The following ALK variants were observed in gnomAD, a reference collection of about 807,000 sequenced individuals.
The protein encoded by ALK is ALK receptor tyrosine kinase, also known as ALK tyrosine kinase receptor.
A neutral mutation model predicts 163.1 loss-of-function variants in ALK; 74 were observed. That is an observed-to-expected ratio of 0.45 (90% CI 0.38 to 0.55). The LOEUF (loss-of-function observed/expected upper bound fraction) is 0.55. Ranked by LOEUF, ALK falls within the 20% of genes least tolerant of loss-of-function variation. The pLI is 0.00. For missense variants in ALK, 2,063 were observed against 2,105.3 expected, an observed-to-expected ratio of 0.98 and a Z score of 0.39; for synonymous variants, 960 against 843.2, an observed-to-expected ratio of 1.14 and a Z score of -2.40.
At chr2:29,222,478 G>C (rs766157224) in intron 21 of ALK, 39 bp downstream of exon 21, 2 of 1,610,876 alleles carry the variant, frequency 1.2e-6, no homozygotes, top group Middle Eastern at 1.7e-4. Context: ...TACAGAGTCC[G>C]CAAGCCAAGG....
intron 5 of ALK, among the ~76,000 whole-genome samples, chr2:29,348,904 C>T (rs535813735): frequency 1.2e-4 from 18 of 152,336 alleles, no homozygotes; most frequent in African/African-American, 2.6e-4. Flanking sequence ...GTGGCTCTGA[C>T]GACACGCTGT....
At chr2:29,539,612 G>GTATTATAACCTT (rs74277527) in intron 3 of ALK, among the ~76,000 whole-genome samples, 1 of 151,796 alleles carries the variant, frequency 6.6e-6, no homozygotes, top group African/African-American at 2.4e-5. Flanking sequence ...TTGAGCACAG[G>GTATTATAACCTT]GTAGATCATA....
intron 3 of ALK, among the ~76,000 whole-genome samples, chr2:29,562,529 A>C (rs1338751378): frequency 1.3e-5 from 2 of 152,194 alleles, no homozygotes; most frequent in Non-Finnish European, 2.9e-5. Context: ...CCAGTACAGC[A>C]GGACAATTAC....
rs961051438 is a variant in ALK at position 29,705,111 on chromosome 2, G to A, written c.788-10097C>T. On this transcript the variant is annotated intron_variant, in intron 2 of 28. Coordinates refer to ENST00000389048, the MANE Select transcript of ALK (RefSeq NM_004304.5). ...CTGGTGCCTGTAATCCCAGCTGCTCGGGAGGCTGAGGCAGGAGAATCGCTT... is the reference window on the plus strand; with the variant it reads ...CTGGTGCCTGTAATCCCAGCTGCTCAGGAGGCTGAGGCAGGAGAATCGCTT... 2.7e-5 allele frequency among the ~76,000 whole-genome samples: 4 copies of A among 150,470 alleles called. No individual in the cohort carries two copies. The East Asian group carries it at 7.8e-4, about 29-fold the overall frequency.
chr2:29,662,341 G>T (rs1307713528), intron 3 of ALK, among the ~76,000 whole-genome samples: 4 of 152,140 alleles, frequency 2.6e-5, no homozygotes, highest in South Asian at 2.1e-4. Context: ...TTCTCATGAA[G>T]ATTTCCCAAA....
chr2:29,870,549 T>A (rs971075266), intron 1 of ALK, among the ~76,000 whole-genome samples: 4 of 152,146 alleles, frequency 2.6e-5, no homozygotes, highest in Non-Finnish European at 5.9e-5. Flanking sequence ...CCAAACCATA[T>A]CAACCACCAT....
Position 29,708,881 on chromosome 2 carries a change from C to T in ALK, c.787+8697G>A, listed in dbSNP as rs146757610. ...CAGCTCACAATTTCTATGAACTTCT[C>T]ATAGACCAAATTATTCTAGTCATCT... On this transcript the variant is annotated intron_variant, in intron 2 of 28. Coordinates refer to ENST00000389048, the MANE Select transcript of ALK (RefSeq NM_004304.5). 2.3e-3 allele frequency among the ~76,000 whole-genome samples: 356 copies of T among 152,308 alleles called. 1 individual carries two copies. The highest frequency in any genetic ancestry group is 8.2e-3 in the African/African-American group (340 of 41,564).
rs1573506160 is a variant in ALK at position 29,622,096 on chromosome 2, A to T, written c.952+72754T>A. On this transcript the variant is annotated intron_variant, in intron 3 of 28. Transcript: ENST00000389048. ...TTAGCTTGGTTTAGTGAACACCCAT[A>T]CCGCTAAATTAATTTAACAGTTAAT... Among the ~76,000 whole-genome samples the T allele has an allele frequency of 3.3e-5, 5 of 152,160 alleles. No individual in the cohort carries two copies. In the South Asian group the frequency reaches 1.0e-3, roughly 32 times the overall value.
rs886524599 is a variant in ALK, at chr2:29,367,742, A to G, written c.1282+15990T>C. Among the ~76,000 whole-genome samples, 7 of 152,270 alleles carry G rather than the reference A, an allele frequency of 4.6e-5. 1 individual carries two copies. Among genetic ancestry groups the G allele is most frequent in the African/African-American group, 1.2e-4 (5 of 41,560 alleles). ...GGGCCCATTCTTGCAATTTATTATT[A>G]TTGTTATTATTGTCATTGCTGTTAT... On this transcript the variant is annotated intron_variant, in intron 5 of 28. Coordinates refer to ENST00000389048, the MANE Select transcript of ALK (RefSeq NM_004304.5).
At chr2:29,248,128 G>C (rs1043101437) in intron 12 of ALK, among the ~76,000 whole-genome samples, 6 of 152,032 alleles carry the variant, frequency 3.9e-5, no homozygotes, top group African/African-American at 1.2e-4. Context: ...GAGGAGGTGA[G>C]GGTCAGGAAT....
At chr2:29,351,859 A>C (rs924815744) in intron 5 of ALK, among the ~76,000 whole-genome samples, 3 of 152,152 alleles carry the variant, frequency 2.0e-5, no homozygotes, top group Non-Finnish European at 4.4e-5. Context: ...ACTGGGGCTG[A>C]GACAGGTGAA....
intron 11 of ALK, among the ~76,000 whole-genome samples, chr2:29,270,307 C>T (rs927729626): frequency 9.2e-5 from 14 of 152,214 alleles, no homozygotes; most frequent in African/African-American, 3.4e-4. Context: ...TAACTTAGTG[C>T]AAGTTAGTTC....
chr2:29,827,063 C>G (rs975188830), intron 1 of ALK, among the ~76,000 whole-genome samples: 1 of 152,202 alleles, frequency 6.6e-6, no homozygotes. Flanking sequence ...CGGTCTCAAT[C>G]TGGTAGCTTT....
chr2:29,623,654 C>T (rs769314194), intron 3 of ALK, among the ~76,000 whole-genome samples: 18 of 152,198 alleles, frequency 1.2e-4, no homozygotes, highest in Non-Finnish European at 2.2e-4. Context: ...AAACCCAAGA[C>T]AGCCTGTGTC....
chr2:29,529,182 C>A (rs1391794021), intron 4 of ALK, among the ~76,000 whole-genome samples: 1 of 152,190 alleles, frequency 6.6e-6, no homozygotes, highest in Non-Finnish European at 1.5e-5. Flanking sequence ...ACAGTGGTTT[C>A]CGGGGAACTT....
chr2:29,247,805 G>A lies in ALK; in HGVS notation c.2204+3300C>T, dbSNP rs548745427. Among the ~76,000 whole-genome samples the A allele has an allele frequency of 1.1e-4, 16 of 152,286 alleles. No homozygotes were observed. The South Asian group carries it at 3.3e-3, about 32-fold the overall frequency. ...GTCCCAGTGCCAGGCCTCGGTGGCA[G>A]CCATGCCTCCAGGATGGGTGGGTTC... On this transcript the variant is annotated intron_variant, in intron 12 of 28. Transcript: ENST00000389048.
chr2:29,353,644 T>G (rs773162757), intron 5 of ALK, among the ~76,000 whole-genome samples: 24 of 152,136 alleles, frequency 1.6e-4, no homozygotes, highest in Non-Finnish European at 3.1e-4. Context: ...ACACTTGTGT[T>G]GAACTGTAAA....
At chr2:29,303,156 TAAAC>T (rs1348733370) in intron 8 of ALK, among the ~76,000 whole-genome samples, 2 of 152,010 alleles carry the variant, frequency 1.3e-5, no homozygotes, top group African/African-American at 2.4e-5. Flanking sequence ...ATAAGGAACT[TAAAC>T]AAATCAAGAA....
intron 1 of ALK, among the ~76,000 whole-genome samples, chr2:29,725,154 CAAAAAAA>C (rs757959526): frequency 1.5e-5 from 1 of 67,396 alleles, no homozygotes; most frequent in African/African-American, 6.8e-5. Context: ...TATCCTATAC[CAAAAAAA>C]AAAAAAAAAA....
Sources: allele counts gnomAD v4.1 joint callset (sites outside exome capture counted in the v4.1 genomes callset), GRCh38; gene constraint gnomAD v4.1.1; transcripts MANE v1.5; gene names NCBI Gene and HGNC (gene_info 2026-07-23, HGNC 2026-07-21).